Variants in SNRPA observed in about 807,000 individuals in gnomAD.
SNRPA encodes the protein U1 small nuclear ribonucleoprotein A.
In SNRPA, 10 loss-of-function variants were observed where a neutral mutation model predicts 24.5. The ratio of observed to expected loss-of-function variants is 0.41; its 90% CI spans 0.25 to 0.69. The LOEUF is 0.69. SNRPA is among the 30% of genes least tolerant of loss of function. The probability of loss-of-function intolerance (pLI) is 0.33; values close to 1 mark genes in which losing one functional copy is unlikely to be tolerated. For synonymous variants in SNRPA, 165 were observed against 148.4 expected (o/e 1.11, Z -0.81); for missense variants, 283 against 394.7 (o/e 0.72, Z 2.40).
Position 40,762,772 on chromosome 19 carries a change from T to C in SNRPA, c.427-129T>C, listed in dbSNP as rs868070174. On this transcript the variant is annotated intron_variant, in intron 3 of 5. Coordinates refer to ENST00000243563, the MANE Select transcript of SNRPA (RefSeq NM_004596.5). ...TTTGTTTTGCTCTGTCGGGCCCTCT[T>C]TGGGTGCCTTTTGCGCCTCTTTCTG... 6.9e-6 allele frequency: 6 copies of C among 875,118 alleles called. No individual in the cohort carries two copies. In the East Asian group the frequency reaches 1.3e-4, roughly 20 times the overall value. 54.2% of individuals were successfully genotyped at this position (875,118 alleles called of 1,614,324 possible). A position where few individuals can be genotyped will look rare whatever the true frequency, so the allele number is the denominator to read the frequency against.
chr19:40,762,197 TCC>T (rs1422212963), intron 3 of SNRPA, among the ~76,000 whole-genome samples: 1 of 152,076 alleles, frequency 6.6e-6, no homozygotes, highest in East Asian at 1.9e-4. Context: ...AGTGTCCCTT[TCC>T]ATCACTGCCC....
At chr19:40,759,986 G>A (rs1039989414) in intron 3 of SNRPA, among the ~76,000 whole-genome samples, 1 of 152,084 alleles carries the variant, frequency 6.6e-6, no homozygotes. Flanking sequence ...TAGAAAGATC[G>A]CTGGATATAA....
chr19:40,760,378 CAACAAAAGGTTTGCAG>C (rs1267019523), intron 3 of SNRPA, among the ~76,000 whole-genome samples: 1 of 152,136 alleles, frequency 6.6e-6, no homozygotes, highest in Non-Finnish European at 1.5e-5. Context: ...GGGGTAAATC[CAACAAAAGGTTTGCAG>C]AACGACTACA....
intron 3 of SNRPA, among the ~76,000 whole-genome samples, chr19:40,761,107 A>T (rs1282591295): frequency 6.7e-6 from 1 of 149,278 alleles, no homozygotes; most frequent in Non-Finnish European, 1.5e-5. Flanking sequence ...TCACAGGCAC[A>T]TGCCACCACG....
At chr19:40,753,356 A>T (rs1599725736) in intron 1 of SNRPA, among the ~76,000 whole-genome samples, 1 of 150,216 alleles carries the variant, frequency 6.7e-6, no homozygotes, top group South Asian at 2.1e-4. Flanking sequence ...CTCAAAAAAA[A>T]AAAATCAGGA....
Position 40,757,408 on chromosome 19 carries a change from G to T in SNRPA, c.150G>T (p.Lys50Asn). The change falls in exon 2 of 6, where the codon AAG becomes AAT. Residue 50 changes from lysine to asparagine, a missense_variant. Physicochemically the swap from Lys to Asn is moderately conservative, Grantham distance 94. Around this residue, in one of 6 missense-constraint regions of SNRPA, gnomAD observed 18 missense variants for 18.9 expected, o/e 0.95. Transcript: ENST00000243563. ...ATATCCTGGTATCACGGAGCCTGAAGATGAGGGGCCAGGCCTTTGTCATCT... is the reference window on the plus strand; with the variant it reads ...ATATCCTGGTATCACGGAGCCTGAATATGAGGGGCCAGGCCTTTGTCATCT... ...ILDILVSRSL[K>N]MRGQAFVIFK... The T allele has an allele frequency of 6.2e-7, 1 of 1,614,182 alleles. No homozygotes were observed. The highest frequency in any genetic ancestry group is 8.5e-7 in the Non-Finnish European group (1 of 1,180,024).
At chr19:40,751,569 G>C in intron 1 of SNRPA, 88 bp downstream of exon 1, 1 of 1,003,602 alleles carries the variant, frequency 1.0e-6, no homozygotes, top group Non-Finnish European at 1.6e-6. Context: ...CTTTCTAAGT[G>C]TTTGTCCAGC....
rs761336247 is a variant in SNRPA at position 40,751,455 on chromosome 19, A to G, written c.47A>G (p.Asn16Ser). 29 of 1,612,254 alleles carry G rather than the reference A, an allele frequency of 1.8e-5. No individual in the cohort carries two copies. Among genetic ancestry groups the G allele is most frequent in the Non-Finnish European group, 2.4e-5 (28 of 1,179,086 alleles). Residue 16 changes from asparagine (N) to serine (S), a missense_variant, in exon 1 of 6, where the codon AAC (asparagine) becomes AGC (serine). By Grantham distance (46) the Asn-to-Ser change is conservative (BLOSUM62 1). Coordinates refer to ENST00000243563, the MANE Select transcript of SNRPA (RefSeq NM_004596.5). Reference protein sequence around the residue: ...TRPNHTIYINNLNEKIKKDEL... With the variant: ...TRPNHTIYINSLNEKIKKDEL... ...CCTAACCACACTATTTATATCAACAACCTCAATGAGAAGATCAAGAAGGAT... is the reference window on the plus strand; with the variant it reads ...CCTAACCACACTATTTATATCAACAGCCTCAATGAGAAGATCAAGAAGGAT...
chr19:40,758,059 C>T (rs935253450), intron 2 of SNRPA, among the ~76,000 whole-genome samples: 4 of 151,858 alleles, frequency 2.6e-5, no homozygotes, highest in Non-Finnish European at 4.4e-5. Flanking sequence ...CTCCACCTCC[C>T]GGGTTCAAGT....
At position 40,759,487 on chromosome 19, in the gene SNRPA, C is replaced by A; in HGVS notation, c.303C>A (p.Phe101Leu). 1 of 1,613,950 alleles carries A rather than the reference C, an allele frequency of 6.2e-7. No homozygotes were observed. The highest frequency in any genetic ancestry group is 8.5e-7 in the Non-Finnish European group (1 of 1,179,976). Residue 101 changes from phenylalanine to leucine, a missense_variant, in exon 3 of 6, where the codon TTC (phenylalanine) becomes TTA (leucine). Physicochemically the swap from Phe to Leu is conservative, Grantham distance 22. This residue lies in a region of SNRPA where 167 missense variants were observed against 174.3 expected (regional missense o/e 0.96). Coordinates refer to ENST00000243563, the MANE Select transcript of SNRPA (RefSeq NM_004596.5). ...TCATTGCCAAGATGAAAGGCACCTT[C>A]GTGGAGCGGGACCGCAAGCGGGAGA... Reference protein sequence around the residue: ...SDIIAKMKGTFVERDRKREKR... With the variant: ...SDIIAKMKGTLVERDRKREKR...
intron 1 of SNRPA, among the ~76,000 whole-genome samples, chr19:40,754,096 C>T (rs1039452398): frequency 7.3e-5 from 10 of 137,614 alleles, no homozygotes; most frequent in South Asian, 4.9e-4. Context: ...CCCCAGCGCC[C>T]GGCGTTTTTT....
intron 3 of SNRPA, 101 bp downstream of exon 3, chr19:40,759,711 T>A: frequency 9.7e-7 from 1 of 1,025,888 alleles, no homozygotes; most frequent in South Asian, 1.7e-5. Flanking sequence ...CCTTGGGGCT[T>A]CAGACCCCTC....
intron 1 of SNRPA, among the ~76,000 whole-genome samples, chr19:40,753,384 GTTTTTTT>G (rs746525368): frequency 1.4e-3 from 53 of 38,384 alleles, no homozygotes; most frequent in African/African-American, 5.5e-3. Context: ...TTTTGCATAT[GTTTTTTT>G]TTTTTTTTTT....
chr19:40,765,102 G>A lies in SNRPA; in HGVS notation c.784G>A (p.Asp262Asn), dbSNP rs764836571. ...TGAGGTACAGGCAGGGGCAGCTCGC[G>A]ATGCCCTGCAGGGCTTTAAGATCAC... ...DNEVQAGAAR[D>N]ALQGFKITQN... is the part of the protein sequence containing the mutation. Residue 262 changes from aspartate to asparagine, a missense_variant, in exon 6 of 6, where the codon GAT (aspartate) becomes AAT (asparagine). Around this residue, in one of 6 missense-constraint regions of SNRPA, gnomAD observed 51 missense variants for 110.3 expected, o/e 0.46. Coordinates refer to ENST00000243563, the MANE Select transcript of SNRPA (RefSeq NM_004596.5). The A allele has an allele frequency of 1.3e-6, 2 of 1,587,882 alleles. No homozygotes were observed. The highest frequency in any genetic ancestry group is 1.7e-6 in the Non-Finnish European group (2 of 1,168,706).
chr19:40,756,799 A>G (rs1343305511), intron 1 of SNRPA, among the ~76,000 whole-genome samples: 9 of 152,146 alleles, frequency 5.9e-5, no homozygotes, highest in Non-Finnish European at 1.3e-4. Flanking sequence ...AGAGGTGGCA[A>G]CATTTCCTCT....
chr19:40,763,034 C>G lies in SNRPA; in HGVS notation c.560C>G (p.Pro187Arg). 6.2e-7 allele frequency: 1 copy of G among 1,604,168 alleles called. No homozygotes were observed. The highest frequency in any genetic ancestry group is 8.5e-7 in the Non-Finnish European group (1 of 1,175,054). Residue 187 changes from proline (P) to arginine (R), a missense_variant, in exon 4 of 6, where the codon CCG (proline) becomes CGG (arginine). Transcript: ENST00000243563. ...PGQIPPGAMP[P>R]QQLMPGQMPP... ...CAGATCCCACCAGGGGCCATGCCCC[C>G]GCAGCAGCTTATGCCAGGACAGATG...
intron 3 of SNRPA, among the ~76,000 whole-genome samples, chr19:40,761,807 T>C (rs2082934078): frequency 6.6e-6 from 1 of 152,062 alleles, no homozygotes; most frequent in Non-Finnish European, 1.5e-5. Flanking sequence ...GGAAAATGTC[T>C]AAATGACCTT....
In SNRPA at chr19:40,757,153, A is replaced by C. The variant is rs77703315; in HGVS notation, c.74-179A>C. 9.7e-4 allele frequency: 592 copies of C among 608,794 alleles called. 1 individual carries two copies. The African/African-American group carries it at 0.01, about 10-fold the overall frequency. 37.7% of individuals were successfully genotyped at this position (608,794 alleles called of 1,614,324 possible). A position where few individuals can be genotyped will look rare whatever the true frequency, so the allele number is the denominator to read the frequency against. On this transcript the variant is annotated intron_variant, in intron 1 of 5. Coordinates refer to ENST00000243563, the MANE Select transcript of SNRPA (RefSeq NM_004596.5). The stretch of plus-strand genomic sequence containing the variant: ...TCTCTGTAAGCACATCTTACAGAAG[A>C]GTAGAAGAGTGTACTTGGCCACTTG...
chr19:40,760,266 A>G (rs2082925942), intron 3 of SNRPA, among the ~76,000 whole-genome samples: 1 of 152,226 alleles, frequency 6.6e-6, no homozygotes, highest in South Asian at 2.1e-4. Context: ...CAGCCTCCCA[A>G]AGTGCTAGGA....
Sources: allele counts gnomAD v4.1 joint callset (sites outside exome capture counted in the v4.1 genomes callset), GRCh38; gene constraint gnomAD v4.1.1; regional missense constraint gnomAD v4.1.1; transcripts MANE v1.5; gene names NCBI Gene and HGNC (gene_info 2026-07-23, HGNC 2026-07-21).